The following EIF3H variants were observed in gnomAD, a reference collection of about 807,000 sequenced individuals.
The protein encoded by EIF3H is eukaryotic translation initiation factor 3 subunit H, also known as eIF-3-gamma.
In EIF3H, 26 loss-of-function variants were observed where a neutral mutation model predicts 44.2. The observed-to-expected ratio is 0.59, with a 90% CI of 0.43 to 0.82. The LOEUF is 0.82. Among genes scored for constraint, EIF3H ranks in the 40% least tolerant of loss-of-function variants. The pLI is 0.00. For synonymous variants in EIF3H, 166 were observed against 151.9 expected, an observed-to-expected ratio of 1.09 and a Z score of -0.68; for missense variants, 359 against 432.8, an observed-to-expected ratio of 0.83 and a Z score of 1.51.
chr8:116,644,226 C>G lies in EIF3H; in HGVS notation c.*780G>C, dbSNP rs1196130722. 3 of 152,168 alleles carry G rather than the reference C, an allele frequency of 2.0e-5. No homozygotes were observed. The highest frequency in any genetic ancestry group is 7.2e-5 in the African/African-American group (3 of 41,398). The allele number at this position is 152,168 out of a possible 1,614,324, so 9.4% of individuals were successfully genotyped here. A position where few individuals can be genotyped will look rare whatever the true frequency, so the allele number is the denominator to read the frequency against. On this transcript the variant is annotated 3_prime_UTR_variant, in exon 8 of 8. Coordinates refer to ENST00000521861, the MANE Select transcript of EIF3H (RefSeq NM_003756.3). ...CCAACATGGTGAAACCCCATCTCTA[C>G]TAAAAATACAAAAATTAGCCAGGCG...
At chr8:116,758,002 G>A (rs1815478144), upstream of EIF3H, among the ~76,000 whole-genome samples, 2 of 152,154 alleles carry the variant, frequency 1.3e-5, no homozygotes, top group Admixed American at 6.5e-5. Context: ...GATTATAGGC[G>A]TGAGCCACCG....
intron 2 of EIF3H, among the ~76,000 whole-genome samples, chr8:116,665,573 A>G (rs1478167956): frequency 6.6e-6 from 1 of 152,190 alleles, no homozygotes; most frequent in Non-Finnish European, 1.5e-5. Flanking sequence ...AATTTCCCAG[A>G]AACAAACCAA....
At chr8:116,728,501 T>C (rs574720839) in intron 1 of EIF3H, among the ~76,000 whole-genome samples, 5 of 152,136 alleles carry the variant, frequency 3.3e-5, no homozygotes, top group Non-Finnish European at 7.4e-5. Flanking sequence ...CAGGTAGTAA[T>C]AGACAACAGA....
At chr8:116,669,674 T>G (rs940958192) in intron 2 of EIF3H, among the ~76,000 whole-genome samples, 1 of 152,192 alleles carries the variant, frequency 6.6e-6, no homozygotes, top group African/African-American at 2.4e-5. Context: ...TAAAAAATAG[T>G]ATCAAAGATA....
chr8:116,715,215 G>C (rs1814641936), intron 2 of EIF3H, among the ~76,000 whole-genome samples: 1 of 151,894 alleles, frequency 6.6e-6, no homozygotes, highest in Non-Finnish European at 1.5e-5. Context: ...CTACAACTCT[G>C]CTTTTCTTTT....
In EIF3H at chr8:116,667,029, A is replaced by G. The variant is rs182785998; in HGVS notation, c.290-8049T>C. Among the ~76,000 whole-genome samples the G allele has an allele frequency of 3.9e-5, 6 of 152,324 alleles. No homozygotes were observed. The East Asian group carries it at 1.2e-3, about 29-fold the overall frequency. ...AAGGACTTGAGGTAGCTTGCATTAAACCATACAAGGTGATAAGTAATATCA... is the reference window on the plus strand; with the variant it reads ...AAGGACTTGAGGTAGCTTGCATTAAGCCATACAAGGTGATAAGTAATATCA... On this transcript the variant is annotated intron_variant, in intron 2 of 7. Coordinates refer to ENST00000521861, the MANE Select transcript of EIF3H (RefSeq NM_003756.3).
intron 2 of EIF3H, among the ~76,000 whole-genome samples, chr8:116,721,207 A>G (rs1409304862): frequency 6.6e-5 from 10 of 152,176 alleles, no homozygotes; most frequent in African/African-American, 2.4e-4. Context: ...GCCATGGCTA[A>G]AAGGAGCCAA....
intron 1 of EIF3H, among the ~76,000 whole-genome samples, chr8:116,753,625 T>C (rs148029787): frequency 2.4e-4 from 36 of 152,324 alleles, no homozygotes; most frequent in African/African-American, 8.2e-4. Flanking sequence ...GTCCAAAAAA[T>C]TGAGAACCAG....
At chr8:116,732,399 G>A (rs997684827) in intron 1 of EIF3H, among the ~76,000 whole-genome samples, 1 of 152,070 alleles carries the variant, frequency 6.6e-6, no homozygotes, top group Non-Finnish European at 1.5e-5. Flanking sequence ...AGGATGGCAG[G>A]TAAAATCTCT....
chr8:116,724,336 C>T (rs904158913), intron 2 of EIF3H, among the ~76,000 whole-genome samples: 1 of 152,038 alleles, frequency 6.6e-6, no homozygotes, highest in Admixed American at 6.6e-5. Flanking sequence ...AAACATAAGA[C>T]CTGAAACTTC....
chr8:116,706,953 G>A (rs1814481487), intron 2 of EIF3H, among the ~76,000 whole-genome samples: 1 of 152,152 alleles, frequency 6.6e-6, no homozygotes, highest in Non-Finnish European at 1.5e-5. Flanking sequence ...TATGACGTTT[G>A]GTAGGTTAGG....
At chr8:116,668,064 C>G (rs749136698) in intron 2 of EIF3H, among the ~76,000 whole-genome samples, 4 of 152,146 alleles carry the variant, frequency 2.6e-5, no homozygotes, top group Admixed American at 6.6e-5. Context: ...TTTTCTCCCT[C>G]AGTTAAGAGG....
intron 1 of EIF3H, chr8:116,734,183 G>C (rs1814995238): frequency 2.3e-6 from 1 of 442,000 alleles, no homozygotes; most frequent in Non-Finnish European, 4.5e-6. Context: ...CACTATTCTA[G>C]AATGACAATT....
chr8:116,716,253 A>G (rs1269291869), intron 2 of EIF3H, among the ~76,000 whole-genome samples: 1 of 152,144 alleles, frequency 6.6e-6, no homozygotes, highest in East Asian at 1.9e-4. Context: ...GCTCCAAAGT[A>G]TAAAGCTGAG....
chr8:116,650,423 A>G (rs1342563518), intron 5 of EIF3H, among the ~76,000 whole-genome samples: 2 of 152,218 alleles, frequency 1.3e-5, no homozygotes, highest in Non-Finnish European at 2.9e-5. Context: ...TTAAAAATAT[A>G]TACTCACACA....
chr8:116,665,499 A>C (rs751754178), intron 2 of EIF3H, among the ~76,000 whole-genome samples: 37 of 152,164 alleles, frequency 2.4e-4, no homozygotes, highest in East Asian at 7.7e-4. Context: ...AGCAAAAAAA[A>C]CCCACAAAGC....
At chr8:116,688,695 A>C (rs1180655077) in intron 2 of EIF3H, among the ~76,000 whole-genome samples, 5 of 147,884 alleles carry the variant, frequency 3.4e-5, no homozygotes, top group Non-Finnish European at 7.4e-5. Flanking sequence ...CTATTTCTTG[A>C]CCAAAGTAAT....
At chr8:116,670,509 T>C (rs934228250) in intron 2 of EIF3H, among the ~76,000 whole-genome samples, 1 of 152,200 alleles carries the variant, frequency 6.6e-6, no homozygotes, top group African/African-American at 2.4e-5. Flanking sequence ...AAGTGCATGA[T>C]GAGGGAAGCT....
intron 1 of EIF3H, among the ~76,000 whole-genome samples, chr8:116,738,824 A>C (rs548614976): frequency 6.6e-6 from 1 of 152,270 alleles, no homozygotes; most frequent in Non-Finnish European, 1.5e-5. Context: ...AACATTTCAC[A>C]GTATTAAAAA....
Sources: allele counts gnomAD v4.1 joint callset (sites outside exome capture counted in the v4.1 genomes callset), GRCh38; gene constraint gnomAD v4.1.1; transcripts MANE v1.5; gene names NCBI Gene and HGNC (gene_info 2026-07-23, HGNC 2026-07-21).